Variants in GALNTL6 observed in about 807,000 individuals in gnomAD.
GALNTL6 encodes the protein polypeptide N-acetylgalactosaminyltransferase like 6.
A neutral mutation model predicts 73.7 loss-of-function variants in GALNTL6; 46 were observed. That is an observed-to-expected ratio of 0.62 (90% CI 0.49 to 0.80). The LOEUF (loss-of-function observed/expected upper bound fraction) is 0.80, where lower values mean the gene tolerates loss of function less well. GALNTL6 is among the 30% of genes least tolerant of loss of function. The pLI is 0.00. For synonymous variants in GALNTL6, 259 were observed against 263.7 expected, an observed-to-expected ratio of 0.98 and a Z score of 0.17; for missense variants, 604 against 755.0, an observed-to-expected ratio of 0.80 and a Z score of 2.34.
chr4:172,955,666 G>A lies in GALNTL6; in HGVS notation c.1371+3408G>A, dbSNP rs142237831. Among the ~76,000 whole-genome samples the A allele has an allele frequency of 4.8e-3, 724 of 151,742 alleles. 4 individuals are homozygous for A. Among genetic ancestry groups the A allele is most frequent in the Non-Finnish European group, 6.0e-3 (405 of 67,952 alleles). ...TAACATTTTATATTTACTTTCACTC[G>A]CGTCCCTGTGAAGACACCACCAAAC... On this transcript the variant is annotated intron_variant, in intron 10 of 12. Transcript: ENST00000506823.
At chr4:172,230,513 G>T (rs1168342728) in intron 3 of GALNTL6, among the ~76,000 whole-genome samples, 1 of 151,652 alleles carries the variant, frequency 6.6e-6, no homozygotes, top group African/African-American at 2.4e-5. Context: ...CCCGGGGGGT[G>T]GAGCTTGCAG....
chr4:172,074,151 C>A (rs1308816137), intron 2 of GALNTL6, among the ~76,000 whole-genome samples: 2 of 152,096 alleles, frequency 1.3e-5, no homozygotes, highest in African/African-American at 4.8e-5. Context: ...CTTTTATATT[C>A]CTCCTTCAGA....
intron 5 of GALNTL6, among the ~76,000 whole-genome samples, chr4:172,783,112 C>T (rs1389356501): frequency 6.6e-6 from 1 of 151,058 alleles, no homozygotes; most frequent in African/African-American, 2.4e-5. Flanking sequence ...TGAATTGGAC[C>T]TGCCACGGCA....
intron 5 of GALNTL6, among the ~76,000 whole-genome samples, chr4:172,595,110 C>T (rs1027788734): frequency 6.6e-6 from 1 of 152,106 alleles, no homozygotes; most frequent in Non-Finnish European, 1.5e-5. Flanking sequence ...AGAGTTTCAC[C>T]TCCATGATCT....
intron 5 of GALNTL6, among the ~76,000 whole-genome samples, chr4:172,415,875 C>G (rs182032506): frequency 9.2e-5 from 14 of 152,112 alleles, no homozygotes; most frequent in African/African-American, 2.9e-4. Flanking sequence ...CATGCAATGT[C>G]TGGAATCTAT....
At chr4:172,329,884 G>A (rs936311361) in intron 4 of GALNTL6, among the ~76,000 whole-genome samples, 1 of 152,090 alleles carries the variant, frequency 6.6e-6, no homozygotes, top group Non-Finnish European at 1.5e-5. Flanking sequence ...AAGAGAAAGC[G>A]AGGTCAGGGA....
intron 2 of GALNTL6, among the ~76,000 whole-genome samples, chr4:172,208,088 C>T (rs1157914158): frequency 6.6e-6 from 1 of 152,080 alleles, no homozygotes; most frequent in Non-Finnish European, 1.5e-5. Context: ...TTTGTGGAAT[C>T]CTTATTGATG....
intron 2 of GALNTL6, among the ~76,000 whole-genome samples, chr4:171,981,620 C>A (rs758367138): frequency 1.9e-4 from 29 of 152,096 alleles, no homozygotes; most frequent in Non-Finnish European, 4.3e-4. Flanking sequence ...TTCACAAGAT[C>A]TTTATATGTT....
intron 5 of GALNTL6, among the ~76,000 whole-genome samples, chr4:172,521,266 A>C (rs1370360977): frequency 6.6e-6 from 1 of 152,080 alleles, no homozygotes; most frequent in East Asian, 1.9e-4. Flanking sequence ...TTCATTCCTT[A>C]AAGACAATTT....
intron 5 of GALNTL6, among the ~76,000 whole-genome samples, chr4:172,578,113 A>C (rs338036): frequency 0.031 from 4,795 of 152,296 alleles, 192 homozygotes; most frequent in African/African-American, 0.089. Flanking sequence ...GTACTCATGT[A>C]AAAAATTTCC....
chr4:171,840,140 G>T (rs979899476), intron 2 of GALNTL6, among the ~76,000 whole-genome samples: 1 of 152,084 alleles, frequency 6.6e-6, no homozygotes, highest in African/African-American at 2.4e-5. Flanking sequence ...TCACCGGCTC[G>T]CTGGCTTAAA....
intron 2 of GALNTL6, among the ~76,000 whole-genome samples, chr4:172,056,534 C>T (rs567745495): frequency 3.5e-4 from 53 of 152,072 alleles, no homozygotes; most frequent in African/African-American, 1.2e-3. Context: ...ATTTTTAGGA[C>T]TCAATATACA....
chr4:172,625,761 T>C (rs894709399), intron 5 of GALNTL6, among the ~76,000 whole-genome samples: 1 of 152,154 alleles, frequency 6.6e-6, no homozygotes, highest in African/African-American at 2.4e-5. Context: ...GATTTACAAT[T>C]ATCTTATGAT....
chr4:171,955,588 G>A (rs1167689251), intron 2 of GALNTL6, among the ~76,000 whole-genome samples: 1 of 152,036 alleles, frequency 6.6e-6, no homozygotes, highest in East Asian at 1.9e-4. Flanking sequence ...AATACCTAAT[G>A]CGATGTAAAT....
intron 2 of GALNTL6, among the ~76,000 whole-genome samples, chr4:171,937,248 AT>A (rs201692951): frequency 0.012 from 1,893 of 152,234 alleles, 22 homozygotes; most frequent in Middle Eastern, 0.034. Flanking sequence ...ATGACATTGA[AT>A]TTTTAATAAG....
At chr4:172,172,046 G>T (rs1206718766) in intron 2 of GALNTL6, among the ~76,000 whole-genome samples, 1 of 152,130 alleles carries the variant, frequency 6.6e-6, no homozygotes, top group Non-Finnish European at 1.5e-5. Flanking sequence ...CCCAAAACTT[G>T]TATGGTAAAG....
At chr4:172,379,594 C>A (rs1165856858) in intron 5 of GALNTL6, among the ~76,000 whole-genome samples, 1 of 139,830 alleles carries the variant, frequency 7.2e-6, no homozygotes, top group African/African-American at 2.6e-5. Flanking sequence ...GCAATTAGAT[C>A]ACCAAAAAAA....
intron 5 of GALNTL6, among the ~76,000 whole-genome samples, chr4:172,353,638 T>A (rs1030755614): frequency 1.3e-5 from 2 of 152,078 alleles, no homozygotes; most frequent in Non-Finnish European, 2.9e-5. Flanking sequence ...ACAAATAATG[T>A]CTTTCAAAAC....
chr4:172,532,968 G>A (rs1477833445), intron 5 of GALNTL6, among the ~76,000 whole-genome samples: 3 of 151,544 alleles, frequency 2.0e-5, no homozygotes, highest in Non-Finnish European at 4.4e-5. Context: ...TGAAAAAGCT[G>A]AAATGAATTG....
Sources: allele counts gnomAD v4.1 joint callset (sites outside exome capture counted in the v4.1 genomes callset), GRCh38; gene constraint gnomAD v4.1.1; transcripts MANE v1.5; gene names NCBI Gene and HGNC (gene_info 2026-07-23, HGNC 2026-07-21).